NHSL1: variants seen among roughly 807,000 people sequenced by gnomAD.
The protein encoded by NHSL1 is NHS like 1.
Under a neutral mutation model 95.0 loss-of-function variants are expected in NHSL1, and 48 were observed. That is an observed-to-expected ratio of 0.51 (90% confidence interval 0.40 to 0.64). The LOEUF (loss-of-function observed/expected upper bound fraction) is 0.64, where lower values mean the gene tolerates loss of function less well. Ranked by LOEUF, NHSL1 falls within the 30% of genes least tolerant of loss-of-function variation. The probability of loss-of-function intolerance (pLI) is 0.00; values close to 1 mark genes in which losing one functional copy is unlikely to be tolerated. For synonymous variants in NHSL1, 783 were observed against 833.9 expected, an observed-to-expected ratio of 0.94 and a Z score of 1.05; for missense variants, 1,971 against 2,077.7, an observed-to-expected ratio of 0.95 and a Z score of 1.00.
At chr6:138,522,809 GAA>G (rs760369055) in intron 1 of NHSL1, among the ~76,000 whole-genome samples, 1 of 146,664 alleles carries the variant, frequency 6.8e-6, no homozygotes, top group Admixed American at 6.8e-5. Context: ...GATCCTGTCT[GAA>G]AAAAAAAAAG....
intron 2 of NHSL1, among the ~76,000 whole-genome samples, chr6:138,482,339 A>T (rs1233407969): frequency 2.6e-5 from 4 of 151,192 alleles, no homozygotes; most frequent in Non-Finnish European, 5.9e-5. Context: ...CCAGCTACTC[A>T]GGAGGCTGAG....
intron 1 of NHSL1, among the ~76,000 whole-genome samples, chr6:138,570,744 AG>A (rs963995585): frequency 1.1e-4 from 17 of 152,252 alleles, no homozygotes; most frequent in Non-Finnish European, 1.8e-4. Context: ...TTTCCAAAGC[AG>A]GGGGAAGCAC....
At chr6:138,603,780 C>T (rs917631575) in intron 1 of NHSL1, among the ~76,000 whole-genome samples, 1 of 152,170 alleles carries the variant, frequency 6.6e-6, no homozygotes, top group Admixed American at 6.5e-5. Context: ...TGTATAGTTG[C>T]AGGGCAATGT....
intron 3 of NHSL1, among the ~76,000 whole-genome samples, chr6:138,449,168 A>G (rs1029534281): frequency 1.1e-4 from 17 of 152,156 alleles, no homozygotes; most frequent in African/African-American, 3.9e-4. Flanking sequence ...CTAGGGCTCT[A>G]TAAATCTGAA....
intron 3 of NHSL1, among the ~76,000 whole-genome samples, chr6:138,468,400 T>G (rs1778528668): frequency 6.6e-6 from 1 of 152,170 alleles, no homozygotes; most frequent in Non-Finnish European, 1.5e-5. Context: ...CTTGTACCCA[T>G]CTGTGGCCTG....
intron 7 of NHSL1, among the ~76,000 whole-genome samples, chr6:138,429,327 G>A (rs1257049804): frequency 1.3e-5 from 2 of 152,138 alleles, no homozygotes; most frequent in Non-Finnish European, 2.9e-5. Context: ...GAGTCCCATG[G>A]AGCTAGTCTG....
intron 1 of NHSL1, among the ~76,000 whole-genome samples, chr6:138,521,449 A>C (rs776679358): frequency 2.6e-5 from 4 of 152,172 alleles, no homozygotes; most frequent in Admixed American, 6.5e-5. Context: ...CTGGGCAGCA[A>C]AGTGAGACCC....
At chr6:138,544,895 A>G (rs991506011) in intron 1 of NHSL1, among the ~76,000 whole-genome samples, 1 of 152,078 alleles carries the variant, frequency 6.6e-6, no homozygotes. Context: ...GGGAATGACG[A>G]CATATACTCA....
intron 1 of NHSL1, among the ~76,000 whole-genome samples, chr6:138,643,928 G>GCCTC (rs1784986452): frequency 6.6e-6 from 1 of 151,738 alleles, no homozygotes; most frequent in Non-Finnish European, 1.5e-5. Flanking sequence ...AACCCAGGAG[G>GCCTC]CGGAGGCTGC....
intron 5 of NHSL1, among the ~76,000 whole-genome samples, chr6:138,440,591 C>T (rs1776466281): frequency 6.6e-6 from 1 of 152,240 alleles, no homozygotes; most frequent in Admixed American, 6.5e-5. Flanking sequence ...GCTATTCTCA[C>T]CTGACTATTG....
chr6:138,622,124 C>G (rs1784671963), intron 1 of NHSL1, among the ~76,000 whole-genome samples: 1 of 152,014 alleles, frequency 6.6e-6, no homozygotes. Context: ...ACAGGAAATT[C>G]AAGAAGAAAT....
intron 3 of NHSL1, among the ~76,000 whole-genome samples, chr6:138,456,883 C>CTTTT (rs113834827): frequency 6.9e-6 from 1 of 144,710 alleles, no homozygotes; most frequent in Non-Finnish European, 1.5e-5. Flanking sequence ...TTCTTTCTTT[C>CTTTT]TTTTTTTTTT....
intron 1 of NHSL1, among the ~76,000 whole-genome samples, chr6:138,614,773 C>G (rs193219007): frequency 6.6e-6 from 1 of 152,112 alleles, no homozygotes; most frequent in Non-Finnish European, 1.5e-5. Context: ...CACCTCCTGT[C>G]GGATCAGCGG....
rs893012998 is a variant in NHSL1 at position 138,684,451 on chromosome 6, G to T, written c.96+8025C>A. Reference sequence around the variant, plus strand: ...TCACAAGGTCAGGAGTTCAAGACCAGCCTGGCCAACATGGCAAAACCCCAT... The same window carrying T: ...TCACAAGGTCAGGAGTTCAAGACCATCCTGGCCAACATGGCAAAACCCCAT... On this transcript the variant is annotated intron_variant, in intron 1 of 3. Coordinates refer to the NHSL1 transcript ENST00000491526. 3.9e-5 allele frequency among the ~76,000 whole-genome samples: 6 copies of T among 152,192 alleles called. No individual in the cohort carries two copies. The East Asian group carries it at 5.8e-4, about 15-fold the overall frequency.
chr6:138,554,461 C>A (rs755544769), intron 1 of NHSL1, among the ~76,000 whole-genome samples: 1 of 152,196 alleles, frequency 6.6e-6, no homozygotes, highest in Non-Finnish European at 1.5e-5. Context: ...ATGTACCAAT[C>A]AACCAGGCGG....
intron 1 of NHSL1, among the ~76,000 whole-genome samples, chr6:138,608,046 G>A (rs572750065): frequency 5.3e-4 from 81 of 152,322 alleles, no homozygotes; most frequent in African/African-American, 1.9e-3. Flanking sequence ...CTAGCTGCAG[G>A]ACCAAGCGGA....
intron 1 of NHSL1, among the ~76,000 whole-genome samples, chr6:138,565,034 A>G (rs982848761): frequency 1.1e-4 from 16 of 152,172 alleles, no homozygotes; most frequent in African/African-American, 3.6e-4. Context: ...CACGCCATGT[A>G]AAGTGATGTA....
chr6:138,564,664 A>AT (rs1454029872), intron 1 of NHSL1, among the ~76,000 whole-genome samples: 3 of 151,970 alleles, frequency 2.0e-5, no homozygotes, highest in African/African-American at 7.3e-5. Context: ...AAAAAAAAAA[A>AT]ATAAGATTGA....
At chr6:138,615,410 AGACACCAGTT>A (rs1387167045) in intron 1 of NHSL1, among the ~76,000 whole-genome samples, 3 of 152,242 alleles carry the variant, frequency 2.0e-5, no homozygotes, top group Non-Finnish European at 4.4e-5. Flanking sequence ...CTATGAATGG[AGACACCAGTT>A]TAGGAAACAC....
Sources: gnomAD v4.1 joint callset for allele counts (sites outside exome capture counted in the v4.1 genomes callset) on GRCh38, gnomAD v4.1.1 for gene constraint, MANE v1.5 for transcripts, NCBI Gene and HGNC (gene_info 2026-07-23, HGNC 2026-07-21) for gene names.